KCNG2: variants seen among roughly 807,000 people sequenced by gnomAD.
The protein encoded by KCNG2 is potassium voltage-gated channel modifier subfamily G member 2, also known as voltage-gated potassium channel regulatory subunit KCNG2.
Under a neutral mutation model 12.3 loss-of-function variants are expected in KCNG2, and 7 were observed. The ratio of observed to expected loss-of-function variants is 0.57; its 90% CI spans 0.32 to 1.07. The LOEUF (loss-of-function observed/expected upper bound fraction) is 1.07, where lower values mean the gene tolerates loss of function less well. KCNG2 is among the 50% of genes least tolerant of loss of function. The pLI, the probability that KCNG2 is intolerant of heterozygous loss-of-function variation, is 0.04. For synonymous variants in KCNG2, 414 were observed against 351.4 expected (o/e 1.18, Z -1.99); for missense variants, 703 against 726.0 (o/e 0.97, Z 0.36).
intron 3 of KCNG2, among the ~76,000 whole-genome samples, chr18:79,878,798 T>G (rs1175182395): frequency 6.6e-6 from 1 of 152,220 alleles, no homozygotes; most frequent in Non-Finnish European, 1.5e-5. Flanking sequence ...ATGGATACAG[T>G]GACCGATGGG....
At chr18:79,898,207 C>T (rs1981047953) in intron 3 of KCNG2, among the ~76,000 whole-genome samples, 1 of 152,194 alleles carries the variant, frequency 6.6e-6, no homozygotes, top group Non-Finnish European at 1.5e-5. Flanking sequence ...AGATTACTTC[C>T]TTCATCTCCC....
chr18:79,807,130 A>G (rs1030781045), intron 1 of KCNG2, among the ~76,000 whole-genome samples: 1 of 152,240 alleles, frequency 6.6e-6, no homozygotes, highest in African/African-American at 2.4e-5. Flanking sequence ...AGCGAGGGTC[A>G]GCACCCACCT....
At chr18:79,832,227 C>A (rs1978300071) in intron 1 of KCNG2, among the ~76,000 whole-genome samples, 1 of 150,980 alleles carries the variant, frequency 6.6e-6, no homozygotes, top group East Asian at 2.0e-4. Flanking sequence ...CTCACCCCTC[C>A]TTCCTCACCT....
chr18:79,799,710 G>A (rs938567672), intron 1 of KCNG2, among the ~76,000 whole-genome samples: 1 of 152,234 alleles, frequency 6.6e-6, no homozygotes, highest in Admixed American at 6.5e-5. Context: ...AGAAAAGGAG[G>A]GAAGTGAGTT....
At position 79,854,755 on chromosome 18, in the gene KCNG2, C is replaced by T. The variant is rs563649193; in HGVS notation, c.-114-1624C>T. On this transcript the variant is annotated intron_variant, in intron 1 of 3. Transcript: ENST00000316249. ...GTCTTGATCTCCTGACCACGTGATC[C>T]GCCCGCCTTGGCCTCCCAAAGTACA... 8.5e-5 allele frequency among the ~76,000 whole-genome samples: 13 copies of T among 152,280 alleles called. 1 individual carries two copies. In the East Asian group the frequency reaches 1.5e-3, roughly 18 times the overall value.
intron 1 of KCNG2, among the ~76,000 whole-genome samples, chr18:79,830,620 C>T (rs1268035181): frequency 3.3e-5 from 5 of 152,226 alleles, no homozygotes; most frequent in African/African-American, 1.2e-4. Flanking sequence ...AGAGATGCCT[C>T]GAAGAGACTC....
At chr18:79,847,344 C>T (rs1978660522) in intron 1 of KCNG2, among the ~76,000 whole-genome samples, 1 of 152,198 alleles carries the variant, frequency 6.6e-6, no homozygotes, top group Non-Finnish European at 1.5e-5. Flanking sequence ...TCCCTGGCCT[C>T]CATGCCTCCA....
chr18:79,830,451 C>A (rs1307682775), intron 1 of KCNG2, among the ~76,000 whole-genome samples: 2 of 152,232 alleles, frequency 1.3e-5, no homozygotes, highest in African/African-American at 4.8e-5. Flanking sequence ...TAAAATACCT[C>A]AAAACACAGA....
intron 3 of KCNG2, among the ~76,000 whole-genome samples, chr18:79,867,177 GTCTGGGTGCTGAGAGA>G (rs1382506158): frequency 4.8e-5 from 7 of 145,976 alleles, no homozygotes; most frequent in East Asian, 2.1e-4. Context: ...GTGCTGAGAG[GTCTGGGTGCTGAGAGA>G]TCTGGGTGCT....
At chr18:79,887,875 T>A (rs936990472) in intron 3 of KCNG2, among the ~76,000 whole-genome samples, 7 of 152,056 alleles carry the variant, frequency 4.6e-5, no homozygotes, top group Non-Finnish European at 1.0e-4. Context: ...TGAATGTCGA[T>A]CAAGACTTCA....
chr18:79,798,846 C>T (rs2087385373), intron 1 of KCNG2, among the ~76,000 whole-genome samples: 2 of 152,184 alleles, frequency 1.3e-5, no homozygotes, highest in South Asian at 4.1e-4. Flanking sequence ...GGGCCCGCTC[C>T]GCGTCCCGAA....
Position 79,899,237 on chromosome 18 carries a change from G to A in KCNG2, c.822G>A (p.Pro274=), listed in dbSNP as rs369494677. Residue 274 remains proline, a synonymous_variant, in exon 4 of 4, where the codon CCG becomes CCA. Coordinates refer to ENST00000316249, the MANE Select transcript of KCNG2 (RefSeq NM_012283.2). ...VSLLLGLAAG[P]GGTKLLERAG... ...TGCTGCTGGGGCTGGCGGCAGGCCC[G>A]GGCGGGACCAAGCTCCTGGAGCGCG... The A allele has an allele frequency of 4.4e-5, 71 of 1,597,844 alleles. No homozygotes were observed. Among genetic ancestry groups the A allele is most frequent in the Middle Eastern group, 1.7e-4 (1 of 6,058 alleles).
chr18:79,820,970 G>A (rs776130900), intron 1 of KCNG2, among the ~76,000 whole-genome samples: 3 of 152,062 alleles, frequency 2.0e-5, no homozygotes, highest in African/African-American at 7.2e-5. Context: ...TTTAGATTTG[G>A]TTGTTTGTCT....
chr18:79,851,600 A>C (rs1335019752), intron 1 of KCNG2, among the ~76,000 whole-genome samples: 1 of 144,878 alleles, frequency 6.9e-6, no homozygotes, highest in Non-Finnish European at 1.5e-5. Context: ...GTGTGTGTGC[A>C]TGTGCGGGTG....
At chr18:79,851,481 G>A (rs546330549) in intron 1 of KCNG2, among the ~76,000 whole-genome samples, 13 of 152,280 alleles carry the variant, frequency 8.5e-5, no homozygotes, top group East Asian at 1.9e-4. Flanking sequence ...CGGCTGGAGC[G>A]CCTCCGACAC....
chr18:79,879,885 G>T (rs1980227482), intron 3 of KCNG2, among the ~76,000 whole-genome samples: 1 of 152,206 alleles, frequency 6.6e-6, no homozygotes. Flanking sequence ...CCAAAGGCAG[G>T]ACAGGAAGGG....
At chr18:79,879,227 T>C (rs1390037818) in intron 3 of KCNG2, among the ~76,000 whole-genome samples, 2 of 152,186 alleles carry the variant, frequency 1.3e-5, no homozygotes, top group Non-Finnish European at 2.9e-5. Context: ...AGAATGGCAT[T>C]GGCTGGTGCA....
chr18:79,808,123 G>A (rs1344113246), intron 1 of KCNG2, among the ~76,000 whole-genome samples: 5 of 121,228 alleles, frequency 4.1e-5, no homozygotes, highest in Non-Finnish European at 8.5e-5. Context: ...CAGAGTCCGC[G>A]CTCTGAGGAG....
intron 1 of KCNG2, among the ~76,000 whole-genome samples, chr18:79,809,791 T>G (rs1052859828): frequency 1.3e-5 from 2 of 152,232 alleles, no homozygotes; most frequent in African/African-American, 4.8e-5. Flanking sequence ...TACTGCACAC[T>G]AGGAGCTGTG....
Sources: allele counts gnomAD v4.1 joint callset (sites outside exome capture counted in the v4.1 genomes callset), GRCh38; gene constraint gnomAD v4.1.1; transcripts MANE v1.5; gene names NCBI Gene and HGNC (gene_info 2026-07-23, HGNC 2026-07-21).